The following CNMD variants were observed in gnomAD, a reference collection of about 807,000 sequenced individuals.
The protein encoded by CNMD is leukocyte cell-derived chemotaxin 1.
CNMD carries 30 observed loss-of-function variants against 37.5 expected under a neutral mutation model. That is an observed-to-expected ratio of 0.80 (90% confidence interval 0.60 to 1.09). CNMD has a LOEUF of 1.09. Among genes scored for constraint, CNMD ranks in the 50% least tolerant of loss-of-function variants. The probability of loss-of-function intolerance (pLI) is 0.00; values close to 1 mark genes in which losing one functional copy is unlikely to be tolerated. For missense variants in CNMD, 398 were observed against 423.9 expected (o/e 0.94, Z 0.54); for synonymous variants, 167 against 148.2 (o/e 1.13, Z -0.92).
rs61959654 is a variant in CNMD, at chr13:52,708,614, G to C, written c.711C>G (p.Gly237=). ...TGGTTTCATTATTCAGTCTTCCAGC[G>C]CCTGGGTTGCTCCGTGGTCCACTGT... is the stretch of plus-strand genomic sequence containing the variant. ...RPHSGPRSNP[G]AGRLNNETRP... is the part of the protein sequence containing the mutation. Residue 237 remains glycine (G), a synonymous_variant, in exon 6 of 7, where the codon GGC becomes GGG. Coordinates refer to ENST00000377962, the MANE Select transcript of CNMD (RefSeq NM_007015.3). 6.2e-7 allele frequency: 1 copy of C among 1,613,816 alleles called. No homozygotes were observed. The highest frequency in any genetic ancestry group is 8.5e-7 in the Non-Finnish European group (1 of 1,179,812).
chr13:52,720,466 G>A (rs1220568666), intron 4 of CNMD, among the ~76,000 whole-genome samples: 1 of 151,728 alleles, frequency 6.6e-6, no homozygotes, highest in Non-Finnish European at 1.5e-5. Flanking sequence ...CTTGATGTTG[G>A]TGACCTTTGG....
At chr13:52,709,748 G>T (rs1036479859) in intron 5 of CNMD, among the ~76,000 whole-genome samples, 9 of 152,154 alleles carry the variant, frequency 5.9e-5, no homozygotes, top group African/African-American at 2.2e-4. Flanking sequence ...TGAGGCAGGC[G>T]GATCACTTGA....
chr13:52,738,061 C>G (rs761837544), intron 2 of CNMD, among the ~76,000 whole-genome samples: 26 of 152,262 alleles, frequency 1.7e-4, no homozygotes, highest in Non-Finnish European at 2.5e-4. Flanking sequence ...TCTGTAAGTA[C>G]TGGAATTCGT....
chr13:52,708,960 A>G (rs999487225), intron 5 of CNMD, among the ~76,000 whole-genome samples: 1 of 152,176 alleles, frequency 6.6e-6, no homozygotes, highest in Non-Finnish European at 1.5e-5. Context: ...ACAAACCTCA[A>G]GACCACCTCC....
intron 3 of CNMD, among the ~76,000 whole-genome samples, chr13:52,730,855 C>T (rs1459057767): frequency 6.6e-6 from 1 of 151,992 alleles, no homozygotes; most frequent in Non-Finnish European, 1.5e-5. Flanking sequence ...TGCTATCCTC[C>T]GTCGGGGGTT....
chr13:52,739,613 T>A lies in CNMD; in HGVS notation c.72+17A>T. ...CACAACCCAGGCCCTGCGTGTGGAA[T>A]CCCTGGCGGTACTCACCGGGGGGCT... is the stretch of plus-strand genomic sequence containing the variant. On this transcript the variant is annotated intron_variant, in intron 1 of 6. Coordinates refer to ENST00000377962, the MANE Select transcript of CNMD (RefSeq NM_007015.3). The surrounding 1 kb of genome is among the most constrained non-coding windows in gnomAD (Gnocchi z 5.4). 6.2e-7 allele frequency: 1 copy of A among 1,609,588 alleles called. No individual in the cohort carries two copies. The highest frequency in any genetic ancestry group is 8.5e-7 in the Non-Finnish European group (1 of 1,175,872).
At chr13:52,736,103 C>T (rs531338894) in intron 2 of CNMD, among the ~76,000 whole-genome samples, 1 of 152,242 alleles carries the variant, frequency 6.6e-6, no homozygotes, top group African/African-American at 2.4e-5. Context: ...ACACCATTCT[C>T]CTGCCTCAGC....
chr13:52,721,133 G>A (rs1490736899), intron 4 of CNMD, among the ~76,000 whole-genome samples: 1 of 152,120 alleles, frequency 6.6e-6, no homozygotes, highest in Non-Finnish European at 1.5e-5. Flanking sequence ...CCTCAGTGAT[G>A]GCTGATGCCC....
chr13:52,733,707 C>A (rs1027158479), intron 2 of CNMD, among the ~76,000 whole-genome samples: 2 of 152,102 alleles, frequency 1.3e-5, no homozygotes, highest in African/African-American at 4.8e-5. Flanking sequence ...GTGGGAAGGG[C>A]GCTTGGGCAT....
At chr13:52,735,754 C>T (rs11619426) in intron 2 of CNMD, among the ~76,000 whole-genome samples, 40,218 of 151,348 alleles carry the variant, frequency 0.27, 6,665 homozygotes, top group Middle Eastern at 0.39. Context: ...TCAAAACCGC[C>T]CTGGGCCGCA....
At chr13:52,733,417 CT>C in intron 2 of CNMD, 58 bp from the exon 3 acceptor site, 1 of 1,505,588 alleles carries the variant, frequency 6.6e-7, no homozygotes, top group Non-Finnish European at 9.2e-7. Context: ...CAGGGCTTAT[CT>C]TTAGAAGGGC....
At position 52,739,402 on chromosome 13, in the gene CNMD, G is replaced by T; in HGVS notation, c.72+228C>A. 1 of 669,778 alleles carries T rather than the reference G, an allele frequency of 1.5e-6. No individual in the cohort carries two copies. Among genetic ancestry groups the T allele is most frequent in the Non-Finnish European group, 2.5e-6 (1 of 395,960 alleles). The allele number at this position is 669,778 out of a possible 1,614,324, so 41.5% of individuals were successfully genotyped here. A position where few individuals can be genotyped will look rare whatever the true frequency, so the allele number is the denominator to read the frequency against. On this transcript the variant is annotated intron_variant, in intron 1 of 6. Transcript: ENST00000377962. This position sits in a 1 kb window ranked among gnomAD's most constrained non-coding sequence, Gnocchi z 5.4. ...CCGCAGCACAGGGCCTTCGCCCCAG[G>T]ACCTGCACCCTCTACCGGCCACGGG... is the stretch of plus-strand genomic sequence containing the variant.
At chr13:52,709,105 T>C (rs1430534154) in intron 5 of CNMD, among the ~76,000 whole-genome samples, 1 of 152,050 alleles carries the variant, frequency 6.6e-6, no homozygotes, top group African/African-American at 2.4e-5. Flanking sequence ...AATACGCTAG[T>C]GCAGTTTCTG....
At chr13:52,723,295 G>T (rs983366450) in intron 4 of CNMD, among the ~76,000 whole-genome samples, 1 of 152,082 alleles carries the variant, frequency 6.6e-6, no homozygotes, top group Non-Finnish European at 1.5e-5. Flanking sequence ...GTTTTGCCGT[G>T]TTGTCCAGGC....
intron 6 of CNMD, among the ~76,000 whole-genome samples, chr13:52,705,565 G>A (rs1489169764): frequency 1.3e-5 from 2 of 152,176 alleles, no homozygotes; most frequent in African/African-American, 4.8e-5. Flanking sequence ...TAAAAGGCCT[G>A]TCAGTTGAGG....
At chr13:52,728,625 C>CA (rs1429324045) in intron 3 of CNMD, among the ~76,000 whole-genome samples, 4 of 152,124 alleles carry the variant, frequency 2.6e-5, no homozygotes, top group African/African-American at 4.8e-5. Context: ...AAACAGAAGG[C>CA]AGGGAGGGAG....
At chr13:52,733,051 G>A (rs1964699306) in intron 3 of CNMD, 168 bp downstream of exon 3, 2 of 672,496 alleles carry the variant, frequency 3.0e-6, no homozygotes. Context: ...ACAAAGTCTG[G>A]TCCTTTCTCA....
intron 3 of CNMD, among the ~76,000 whole-genome samples, chr13:52,725,043 TG>T (rs1236924032): frequency 3.9e-5 from 6 of 152,358 alleles, no homozygotes; most frequent in African/African-American, 1.2e-4. Context: ...ATATTTGAGC[TG>T]GGACAGAATA....
Position 52,703,552 on chromosome 13 carries a change from T to G in CNMD, c.*43A>C, listed in dbSNP as rs750923573. 4 of 1,395,106 alleles carry G rather than the reference T, an allele frequency of 2.9e-6. No homozygotes were observed. The highest frequency in any genetic ancestry group is 4.1e-6 in the Non-Finnish European group (4 of 986,762). 86.4% of individuals were successfully genotyped at this position (1,395,106 alleles called of 1,614,324 possible). On this transcript the variant is annotated 3_prime_UTR_variant, in exon 7 of 7. Transcript: ENST00000377962. ...CCTTAATGCTTCTTTGGTTGTCTCT[T>G]CAGCTAGTTCTTATTTTACAGCACA...
Sources: gnomAD v4.1 joint callset for allele counts (sites outside exome capture counted in the v4.1 genomes callset) on GRCh38, gnomAD v4.1.1 for gene constraint, Gnocchi (gnomAD v3.1) non-coding constraint, MANE v1.5 for transcripts, NCBI Gene and HGNC (gene_info 2026-07-23, HGNC 2026-07-21) for gene names.